Variants in LDAH observed in about 807,000 individuals in gnomAD.
The protein encoded by LDAH is lipid droplet associated hydrolase.
A neutral mutation model predicts 29.6 loss-of-function variants in LDAH; 26 were observed. That is an observed-to-expected ratio of 0.88 (90% CI 0.64 to 1.22). LDAH has a LOEUF of 1.22. Ranked by LOEUF, LDAH falls within the 50% of genes most tolerant of loss-of-function variation. The pLI, the probability that LDAH is intolerant of heterozygous loss-of-function variation, is 0.00. For synonymous variants in LDAH, 117 were observed against 133.0 expected (o/e 0.88, Z 0.83); for missense variants, 344 against 387.3 (o/e 0.89, Z 0.94).
intron 4 of LDAH, among the ~76,000 whole-genome samples, chr2:20,758,492 G>A (rs143602701): frequency 1.1e-4 from 17 of 152,310 alleles, no homozygotes; most frequent in African/African-American, 3.6e-4. Context: ...TATCTAGAAC[G>A]AGGCAGGGAG....
At chr2:20,726,167 T>C (rs1448950333) in intron 5 of LDAH, among the ~76,000 whole-genome samples, 2 of 152,214 alleles carry the variant, frequency 1.3e-5, no homozygotes, top group Non-Finnish European at 2.9e-5. Flanking sequence ...TAACTGCCTA[T>C]CAGGCTCTGG....
At chr2:20,726,033 G>A (rs181924763) in intron 5 of LDAH, among the ~76,000 whole-genome samples, 9 of 152,298 alleles carry the variant, frequency 5.9e-5, no homozygotes, top group Admixed American at 2.0e-4. Flanking sequence ...TATCTGTTTA[G>A]GCCACTGTAA....
At chr2:20,682,557 C>T (rs556914193), downstream of LDAH, among the ~76,000 whole-genome samples, 1 of 152,200 alleles carries the variant, frequency 6.6e-6, no homozygotes, top group Non-Finnish European at 1.5e-5. Context: ...GAGGGGCTGG[C>T]ATCTGGTGAG....
chr2:20,768,960 C>T (rs147201770), intron 4 of LDAH, among the ~76,000 whole-genome samples: 2,410 of 152,250 alleles, frequency 0.016, 44 homozygotes, highest in Middle Eastern at 0.038. Flanking sequence ...ATCAGAGATC[C>T]TTCAATGGCT....
At chr2:20,749,725 G>A (rs1196527262) in intron 4 of LDAH, among the ~76,000 whole-genome samples, 1 of 152,200 alleles carries the variant, frequency 6.6e-6, no homozygotes, top group Non-Finnish European at 1.5e-5. Flanking sequence ...TAAACCTTGG[G>A]AATATAAGCA....
chr2:20,766,061 T>C (rs1202620165), intron 4 of LDAH, among the ~76,000 whole-genome samples: 2 of 151,982 alleles, frequency 1.3e-5, no homozygotes, highest in African/African-American at 4.8e-5. Flanking sequence ...TCCAGATGAA[T>C]GGTTTTCAAA....
chr2:20,684,965 A>G lies in LDAH; in HGVS notation c.*1938T>C, dbSNP rs1452611551. 2 of 1,548,446 alleles carry G rather than the reference A, an allele frequency of 1.3e-6. No homozygotes were observed. The highest frequency in any genetic ancestry group is 2.0e-5 in the Admixed American group (1 of 50,706). ...GAGAAAGGTGGCTTTTCACTTTAAAAGAGAGACTTTGAGCCGAGTCTAACT... is the reference window on the plus strand; with the variant it reads ...GAGAAAGGTGGCTTTTCACTTTAAAGGAGAGACTTTGAGCCGAGTCTAACT... On this transcript the variant is annotated 3_prime_UTR_variant, in exon 7 of 7. Transcript: ENST00000237822.
intron 1 of LDAH, 21 bp downstream of exon 1, chr2:20,823,016 G>C (rs1195788272): frequency 6.6e-6 from 1 of 152,348 alleles, no homozygotes; most frequent in Non-Finnish European, 1.5e-5. Context: ...GTCACCCTGA[G>C]CTCGGCAAGC....
chr2:20,791,728 C>G (rs1011179697), intron 2 of LDAH, among the ~76,000 whole-genome samples: 2 of 152,158 alleles, frequency 1.3e-5, no homozygotes, highest in African/African-American at 4.8e-5. Flanking sequence ...GGCACTGTTT[C>G]ATGTTTTATG....
chr2:20,808,701 A>T (rs537015485), intron 1 of LDAH, among the ~76,000 whole-genome samples: 1 of 152,242 alleles, frequency 6.6e-6, no homozygotes, highest in East Asian at 1.9e-4. Flanking sequence ...TTTGAAGAAC[A>T]ACCACAAAGT....
chr2:20,720,020 C>G (rs1401759683), intron 5 of LDAH, among the ~76,000 whole-genome samples: 1 of 151,738 alleles, frequency 6.6e-6, no homozygotes, highest in Admixed American at 6.6e-5. Flanking sequence ...TCACACTGAA[C>G]AGTGAACAAA....
chr2:20,773,576 A>G (rs958232882), intron 4 of LDAH, among the ~76,000 whole-genome samples: 19 of 152,226 alleles, frequency 1.2e-4, no homozygotes, highest in South Asian at 4.1e-4. Flanking sequence ...GTAGACAATA[A>G]TACAGAGAAC....
intron 2 of LDAH, among the ~76,000 whole-genome samples, chr2:20,800,772 T>C (rs1481430047): frequency 1.3e-5 from 2 of 152,162 alleles, no homozygotes; most frequent in Non-Finnish European, 2.9e-5. Flanking sequence ...TAGCTGGGAC[T>C]ATAGGCATGT....
chr2:20,786,029 G>A (rs1227543891), intron 3 of LDAH, among the ~76,000 whole-genome samples: 3 of 152,062 alleles, frequency 2.0e-5, no homozygotes, highest in Non-Finnish European at 4.4e-5. Context: ...TCTGATGCTT[G>A]CTTTGTCTCT....
At chr2:20,760,210 G>A (rs905405751) in intron 4 of LDAH, among the ~76,000 whole-genome samples, 1 of 152,172 alleles carries the variant, frequency 6.6e-6, no homozygotes, top group South Asian at 2.1e-4. Context: ...TAGTGTAAAA[G>A]CAGGGAAAAG....
intron 4 of LDAH, among the ~76,000 whole-genome samples, chr2:20,752,676 A>G (rs931344017): frequency 5.3e-5 from 8 of 152,252 alleles, no homozygotes; most frequent in Non-Finnish European, 1.2e-4. Context: ...ACAAATTGCT[A>G]CAAATGGGTG....
intron 2 of LDAH, among the ~76,000 whole-genome samples, chr2:20,800,029 A>G (rs909383737): frequency 6.6e-6 from 1 of 152,188 alleles, no homozygotes; most frequent in African/African-American, 2.4e-5. Context: ...GATACAATAA[A>G]TGGTTGTGGA....
At chr2:20,763,967 T>C (rs199687523) in intron 4 of LDAH, among the ~76,000 whole-genome samples, 10 of 21,242 alleles carry the variant, frequency 4.7e-4, no homozygotes, top group African/African-American at 1.1e-3. Flanking sequence ...CAAAGGTGAT[T>C]TTTTTTTTTT....
At position 20,685,454 on chromosome 2, in the gene LDAH, C is replaced by T. The variant is rs1662491659; in HGVS notation, c.*1449G>A. ...AGCTCTTCCCCTTGGGCTAACAGCA[C>T]TCCTTGTCTGGAGCTTGGCTTTTCC... On this transcript the variant is annotated 3_prime_UTR_variant, in exon 7 of 7. Coordinates refer to ENST00000237822, the MANE Select transcript of LDAH (RefSeq NM_021925.4). 6.7e-7 allele frequency: 1 copy of T among 1,489,126 alleles called. No homozygotes were observed. Among genetic ancestry groups the T allele is most frequent in the Admixed American group, 2.1e-5 (1 of 47,074 alleles). The allele number at this position is 1,489,126 out of a possible 1,614,324, so 92.2% of individuals were successfully genotyped here.
Sources: gnomAD v4.1 joint callset for allele counts (sites outside exome capture counted in the v4.1 genomes callset) on GRCh38, gnomAD v4.1.1 for gene constraint, MANE v1.5 for transcripts, NCBI Gene and HGNC (gene_info 2026-07-23, HGNC 2026-07-21) for gene names.